The following USP37 variants were observed in gnomAD, a reference collection of about 807,000 sequenced individuals.
USP37 encodes the protein ubiquitin specific peptidase 37, also known as ubiquitin carboxyl-terminal hydrolase 37.
In USP37, 27 loss-of-function variants were observed where a neutral mutation model predicts 124.0. That is an observed-to-expected ratio of 0.22 (90% CI 0.16 to 0.30). The LOEUF is 0.30. Among genes scored for constraint, USP37 ranks in the 10% least tolerant of loss-of-function variants. The probability of loss-of-function intolerance (pLI) is 1.00; values close to 1 mark genes in which losing one functional copy is unlikely to be tolerated. For missense variants in USP37, 889 were observed against 1,140.4 expected (o/e 0.78, Z 3.17); for synonymous variants, 365 against 388.0 (o/e 0.94, Z 0.70).
At chr2:218,487,900 A>C (rs1691665229) in intron 15 of USP37, among the ~76,000 whole-genome samples, 1 of 151,744 alleles carries the variant, frequency 6.6e-6, no homozygotes, top group Non-Finnish European at 1.5e-5. Flanking sequence ...AAACTCTGCC[A>C]AAACCAGGTG....
chr2:218,463,428 A>G, intron 21 of USP37, 62 bp from the exon 22 acceptor site: 1 of 1,472,044 alleles, frequency 6.8e-7, no homozygotes, highest in Non-Finnish European at 9.5e-7. Context: ...TTACTTAATG[A>G]GGATAAAATC....
chr2:218,501,815 G>A (rs1236892350), intron 11 of USP37, among the ~76,000 whole-genome samples: 1 of 152,154 alleles, frequency 6.6e-6, no homozygotes, highest in Non-Finnish European at 1.5e-5. Flanking sequence ...TGAATATTTG[G>A]CTGAATACCA....
intron 23 of USP37, among the ~76,000 whole-genome samples, chr2:218,458,682 C>T (rs1256077305): frequency 2.0e-5 from 3 of 152,106 alleles, no homozygotes; most frequent in Non-Finnish European, 4.4e-5. Flanking sequence ...GACAAATACT[C>T]AATGTTAGCT....
intron 10 of USP37, among the ~76,000 whole-genome samples, chr2:218,526,828 G>A (rs1286940979): frequency 8.9e-6 from 1 of 112,500 alleles, no homozygotes; most frequent in Admixed American, 1.4e-4. Flanking sequence ...TTGCTCTGTC[G>A]CCCAGGCTGG....
At chr2:218,548,665 T>A (rs546333036) in intron 6 of USP37, among the ~76,000 whole-genome samples, 1 of 152,156 alleles carries the variant, frequency 6.6e-6, no homozygotes, top group South Asian at 2.1e-4. Flanking sequence ...ATATTTTACA[T>A]CAAAACCTAT....
chr2:218,482,031 C>T, intron 17 of USP37, 39 bp downstream of exon 17: 4 of 1,536,636 alleles, frequency 2.6e-6, no homozygotes, highest in Non-Finnish European at 3.5e-6. Context: ...CTTTCTATTT[C>T]AAAAGGGAAT....
intron 21 of USP37, 109 bp downstream of exon 21, chr2:218,465,901 A>G (rs1690290127): frequency 3.7e-6 from 5 of 1,369,578 alleles, no homozygotes; most frequent in Non-Finnish European, 4.9e-6. Flanking sequence ...TATGTAAATC[A>G]TCTGGAACAA....
At chr2:218,542,213 C>T (rs550978753) in intron 8 of USP37, among the ~76,000 whole-genome samples, 3 of 152,286 alleles carry the variant, frequency 2.0e-5, no homozygotes, top group South Asian at 4.2e-4. Context: ...CTTTAAATGT[C>T]ATTTGCACAA....
chr2:218,548,924 T>A (rs1692518934), intron 6 of USP37, among the ~76,000 whole-genome samples: 1 of 152,178 alleles, frequency 6.6e-6, no homozygotes, highest in African/African-American at 2.4e-5. Context: ...CCAAGGAATG[T>A]ATGAATCTCA....
chr2:218,558,666 A>C lies in USP37; in HGVS notation c.-13T>G. On this transcript the variant is annotated 5_prime_UTR_variant, in exon 4 of 26. It adds an upstream start codon to the 5' untranslated region. Transcript: ENST00000258399. ...TCAGAGGAGACATATTTTCTTTAAA[A>C]ATTGCTTCTGGCTAAATTAAAAAGC... The C allele has an allele frequency of 1.9e-6, 3 of 1,580,898 alleles. No homozygotes were observed. Among genetic ancestry groups the C allele is most frequent in the Non-Finnish European group, 1.7e-6 (2 of 1,164,556 alleles).
intron 9 of USP37, among the ~76,000 whole-genome samples, chr2:218,532,446 G>A (rs1298933212): frequency 1.2e-4 from 16 of 136,788 alleles, no homozygotes; most frequent in African/African-American, 3.2e-4. Context: ...CAGCCTGGGC[G>A]ACAGAGCAAG....
chr2:218,479,579 G>A (rs1022369643), intron 18 of USP37, 71 bp downstream of exon 18: 1 of 1,230,298 alleles, frequency 8.1e-7, no homozygotes, highest in African/African-American at 1.5e-5. Context: ...AAGGCAGGGA[G>A]GCAATCTTGG....
chr2:218,518,190 C>T (rs1690402404), intron 10 of USP37, among the ~76,000 whole-genome samples: 1 of 151,912 alleles, frequency 6.6e-6, no homozygotes, highest in Non-Finnish European at 1.5e-5. Context: ...ATGTTTTATG[C>T]TGGAAAAAAA....
chr2:218,544,409 AT>A (rs2106041119), intron 8 of USP37, among the ~76,000 whole-genome samples: 2 of 75,218 alleles, frequency 2.7e-5, no homozygotes, highest in Non-Finnish European at 4.3e-5. Context: ...AAAAAAAAAT[AT>A]ATATATATAT....
rs183750990 is a variant in USP37 at position 218,454,977 on chromosome 2, G to A, written c.2893C>T (p.Gln965Ter). The A allele has an allele frequency of 4.3e-6, 7 of 1,614,090 alleles. No homozygotes were observed. In the East Asian group the frequency reaches 1.6e-4, roughly 36 times the overall value. Residue 965 changes from glutamine (Q) to a stop codon, truncating the protein, a stop_gained, in exon 26 of 26, where the codon CAG (glutamine) becomes TAG (stop). Transcript: ENST00000258399. LOFTEE classifies it high-confidence loss of function. ...DELLETEKNSQSLSTEVGKTT... is the reference protein window; with the variant it reads ...DELLETEKNS Reference sequence around the variant, plus strand: ...TTCCCCACTTCCGTGCTAAGTGACTGAGAGTTCTTTTCTGTTTCCAGCAGC... The same window carrying A: ...TTCCCCACTTCCGTGCTAAGTGACTAAGAGTTCTTTTCTGTTTCCAGCAGC...
chr2:218,504,511 A>C (rs1266071643), intron 11 of USP37, among the ~76,000 whole-genome samples: 1 of 152,144 alleles, frequency 6.6e-6, no homozygotes, highest in Admixed American at 6.6e-5. Context: ...CTGAAACTTT[A>C]AACTTCTGGG....
At chr2:218,472,165 AG>A (rs1352283839) in intron 20 of USP37, among the ~76,000 whole-genome samples, 1 of 152,116 alleles carries the variant, frequency 6.6e-6, no homozygotes, top group Non-Finnish European at 1.5e-5. Context: ...GTAGCAGCTT[AG>A]GGTTCCCAAA....
chr2:218,475,078 CATT>C (rs1690893334), intron 19 of USP37, among the ~76,000 whole-genome samples, 193 bp from the exon 20 acceptor site: 1 of 151,960 alleles, frequency 6.6e-6, no homozygotes, highest in African/African-American at 2.4e-5. Flanking sequence ...CATAAGAATA[CATT>C]ATTTTTTCTT....
rs1047299436 is a variant in USP37, at chr2:218,557,246, A to G, written c.156+1252T>C. 3.9e-5 allele frequency among the ~76,000 whole-genome samples: 6 copies of G among 152,300 alleles called. No homozygotes were observed. The South Asian group carries it at 1.2e-3, about 32-fold the overall frequency. ...AATGCTGAATGTAAACTGATCTGGA[A>G]CTGAGATAAAGGCTGAAGTCACAGG... is the stretch of plus-strand genomic sequence containing the variant. On this transcript the variant is annotated intron_variant, in intron 4 of 25. Coordinates refer to ENST00000258399, the MANE Select transcript of USP37 (RefSeq NM_020935.3).
Sources: gnomAD v4.1 joint callset for allele counts (sites outside exome capture counted in the v4.1 genomes callset) on GRCh38, gnomAD v4.1.1 for gene constraint, MANE v1.5 for transcripts, NCBI Gene and HGNC (gene_info 2026-07-23, HGNC 2026-07-21) for gene names.